CEP135: variants seen among roughly 807,000 people sequenced by gnomAD.
CEP135 encodes the protein centrosomal protein 135, also known as centrosomal protein of 135 kDa.
A neutral mutation model predicts 157.3 loss-of-function variants in CEP135; 142 were observed. The ratio of observed to expected loss-of-function variants is 0.90; its 90% confidence interval spans 0.79 to 1.04. The LOEUF (loss-of-function observed/expected upper bound fraction) is 1.04, where lower values mean the gene tolerates loss of function less well. Ranked by LOEUF, CEP135 falls within the 50% of genes least tolerant of loss-of-function variation. CEP135 has a pLI of 0.00. For missense variants in CEP135, 1,317 were observed against 1,309.2 expected, an observed-to-expected ratio of 1.01 and a Z score of -0.09; for synonymous variants, 396 against 439.8, an observed-to-expected ratio of 0.90 and a Z score of 1.25.
At chr4:55,992,293 G>A (rs958403968) in intron 15 of CEP135, among the ~76,000 whole-genome samples, 1 of 152,160 alleles carries the variant, frequency 6.6e-6, no homozygotes, top group African/African-American at 2.4e-5. Context: ...TACTGGGGTA[G>A]GTTTTGGGTA....
rs58245269 is a variant in CEP135 at position 55,988,966 on chromosome 4, G to GAA, written c.1858-2955_1858-2954dup. Reference sequence around the variant, plus strand: ...GGGAGACAGAGCAAGACTCCGTCTCGAAAAAAAAAAAAAACATAATAAAAC... The same window carrying GAA: ...GGGAGACAGAGCAAGACTCCGTCTCGAAAAAAAAAAAAAAAACATAATAAAAC... On this transcript the variant is annotated intron_variant, in intron 14 of 25. Coordinates refer to ENST00000257287, the MANE Select transcript of CEP135 (RefSeq NM_025009.5). Among the ~76,000 whole-genome samples, 364 of 122,680 alleles carry GAA rather than the reference G, an allele frequency of 3.0e-3. 5 individuals carry two copies. The highest frequency in any genetic ancestry group is 0.017 in the Middle Eastern group (4 of 242). 80.5% of individuals were successfully genotyped at this position (122,680 alleles called of 152,430 possible). A position where few individuals can be genotyped will look rare whatever the true frequency, so the allele number is the denominator to read the frequency against.
chr4:56,016,541 C>T (rs1219488953), intron 21 of CEP135, among the ~76,000 whole-genome samples: 2 of 152,032 alleles, frequency 1.3e-5, no homozygotes, highest in South Asian at 2.1e-4. Flanking sequence ...AAGCCAATTT[C>T]ACAATACAAT....
chr4:55,965,731 G>A lies in CEP135; in HGVS notation c.916G>A (p.Val306Ile), dbSNP rs746009395. The A allele has an allele frequency of 8.1e-6, 13 of 1,613,632 alleles. No homozygotes were observed. The highest frequency in any genetic ancestry group is 3.3e-5 in the South Asian group (3 of 91,066). The part of the protein sequence containing the change: ...ETKETVTSEV[V>I]NLSNKNEKLC... ...CAAGGAAACAGTGACATCTGAAGTC[G>A]TTAATTTAAGTAACAAAAATGAAAA... Residue 306 changes from valine to isoleucine, a missense_variant, in exon 8 of 26, where the codon GTT becomes ATT. Transcript: ENST00000257287.
rs764071300 is a variant in CEP135 at position 55,981,382 on chromosome 4, A to G, written c.1779+3A>G. On this transcript the variant is annotated splice_donor_region_variant and intron_variant, in intron 13 of 25. Coordinates refer to ENST00000257287, the MANE Select transcript of CEP135 (RefSeq NM_025009.5). ...AAGCTTTAAGAGAAAAATTAGAGGTAAGAAGATTGACATGTTTTTGAAAGG... is the reference window on the plus strand; with the variant it reads ...AAGCTTTAAGAGAAAAATTAGAGGTGAGAAGATTGACATGTTTTTGAAAGG... 3 of 1,567,674 alleles carry G rather than the reference A, an allele frequency of 1.9e-6. No homozygotes were observed. Among genetic ancestry groups the G allele is most frequent in the South Asian group, 2.4e-5 (2 of 81,986 alleles).
At chr4:55,995,433 A>C (rs1189461719) in intron 15 of CEP135, among the ~76,000 whole-genome samples, 1 of 152,200 alleles carries the variant, frequency 6.6e-6, no homozygotes, top group Non-Finnish European at 1.5e-5. Flanking sequence ...GCCCAACCAG[A>C]AACAGAACCT....
intron 14 of CEP135, among the ~76,000 whole-genome samples, chr4:55,991,005 T>C (rs1294914362): frequency 6.6e-6 from 1 of 152,076 alleles, no homozygotes; most frequent in Non-Finnish European, 1.5e-5. Flanking sequence ...AGACAGAGTC[T>C]CACTCTGTTG....
intron 15 of CEP135, among the ~76,000 whole-genome samples, chr4:55,992,368 T>G (rs1198006907): frequency 6.6e-6 from 1 of 152,216 alleles, no homozygotes. Flanking sequence ...TCAACCTTCT[T>G]TTGAAATCCT....
intron 17 of CEP135, among the ~76,000 whole-genome samples, chr4:56,004,348 C>T (rs562646029): frequency 2.0e-5 from 3 of 152,254 alleles, no homozygotes; most frequent in South Asian, 4.2e-4. Context: ...TTCTGTAGAA[C>T]GTTCCATGTG....
intron 14 of CEP135, among the ~76,000 whole-genome samples, chr4:55,989,796 A>G (rs898055603): frequency 6.6e-6 from 1 of 152,370 alleles, no homozygotes; most frequent in African/African-American, 2.4e-5. Context: ...TCAAGTTGTA[A>G]CATATATTAG....
At chr4:56,028,501 TTAA>T (rs1731226389) in intron 25 of CEP135, among the ~76,000 whole-genome samples, 2 of 152,334 alleles carry the variant, frequency 1.3e-5, no homozygotes, top group African/African-American at 2.4e-5. Context: ...TTGAGGTATA[TTAA>T]TGAGATTGTT....
intron 17 of CEP135, among the ~76,000 whole-genome samples, chr4:56,002,692 T>C (rs2109718509): frequency 6.6e-6 from 1 of 152,258 alleles, no homozygotes; most frequent in South Asian, 2.1e-4. Context: ...TATTGGCCTG[T>C]AGTTTTCTTT....
At chr4:55,993,085 C>T (rs1024301033) in intron 15 of CEP135, among the ~76,000 whole-genome samples, 2 of 151,828 alleles carry the variant, frequency 1.3e-5, no homozygotes, top group Non-Finnish European at 2.9e-5. Context: ...ATAGTAATGA[C>T]ACTTTAAAAA....
Position 55,963,720 on chromosome 4 carries a change from TG to T in CEP135, c.700-551del, listed in dbSNP as rs1445172670. Among the ~76,000 whole-genome samples, 4 of 152,340 alleles carry T rather than the reference TG, an allele frequency of 2.6e-5. No individual in the cohort carries two copies. In the East Asian group the frequency reaches 7.7e-4, roughly 29 times the overall value. Reference sequence around the variant, plus strand: ...GAGATCATGCCACTGCACTCCAGACTGGGTGACAGAGTGAAACTCCGTCTCA... The same window carrying T: ...GAGATCATGCCACTGCACTCCAGACTGGTGACAGAGTGAAACTCCGTCTCA... On this transcript the variant is annotated intron_variant, in intron 6 of 25. Transcript: ENST00000257287.
chr4:55,958,143 G>C (rs1306277833), intron 5 of CEP135, among the ~76,000 whole-genome samples: 1 of 152,182 alleles, frequency 6.6e-6, no homozygotes, highest in Non-Finnish European at 1.5e-5. Flanking sequence ...AGCTAAAAAA[G>C]AGCACTGGGA....
At chr4:55,964,449 A>G in intron 7 of CEP135, 47 bp downstream of exon 7, 3 of 1,457,468 alleles carry the variant, frequency 2.1e-6, no homozygotes, top group Middle Eastern at 1.8e-4. Context: ...AATGGTGTTT[A>G]TAATAAACAC....
chr4:56,013,170 A>T (rs573623198), intron 21 of CEP135, among the ~76,000 whole-genome samples: 1 of 152,022 alleles, frequency 6.6e-6, no homozygotes, highest in Non-Finnish European at 1.5e-5. Context: ...TCATTTGTTT[A>T]TTGACGATTT....
At chr4:55,978,960 A>G (rs1729311674) in intron 11 of CEP135, among the ~76,000 whole-genome samples, 1 of 152,216 alleles carries the variant, frequency 6.6e-6, no homozygotes, top group Non-Finnish European at 1.5e-5. Context: ...CTTGTCCTTT[A>G]AAGAGTTCGG....
chr4:55,980,894 T>A (rs931789849), intron 12 of CEP135, among the ~76,000 whole-genome samples: 7 of 152,174 alleles, frequency 4.6e-5, no homozygotes, highest in Admixed American at 2.0e-4. Flanking sequence ...CTTAATGAGT[T>A]TTTTGGGGGG....
chr4:55,970,985 A>G (rs1212559688), intron 9 of CEP135, among the ~76,000 whole-genome samples: 2 of 152,210 alleles, frequency 1.3e-5, no homozygotes, highest in Non-Finnish European at 2.9e-5. Context: ...TAAATTTTTT[A>G]ATCATATAAG....
Sources: allele counts gnomAD v4.1 joint callset (sites outside exome capture counted in the v4.1 genomes callset), GRCh38; gene constraint gnomAD v4.1.1; transcripts MANE v1.5; gene names NCBI Gene and HGNC (gene_info 2026-07-23, HGNC 2026-07-21).